Variants in VEPH1 observed in about 807,000 individuals in gnomAD.
VEPH1 encodes the protein ventricular zone expressed PH domain containing 1.
In VEPH1, 80 loss-of-function variants were observed where a neutral mutation model predicts 85.2. The ratio of observed to expected loss-of-function variants is 0.94; its 90% CI spans 0.78 to 1.13. The LOEUF is 1.13. Ranked by LOEUF, VEPH1 falls within the 50% of genes most tolerant of loss-of-function variation. VEPH1 has a pLI of 0.00. For synonymous variants in VEPH1, 297 were observed against 348.0 expected (o/e 0.85, Z 1.63); for missense variants, 955 against 980.5 (o/e 0.97, Z 0.35).
At chr3:157,301,377 T>C (rs1718783944) in intron 11 of VEPH1, among the ~76,000 whole-genome samples, 1 of 151,926 alleles carries the variant, frequency 6.6e-6, no homozygotes, top group South Asian at 2.1e-4. Flanking sequence ...TTTTGTTTTG[T>C]TTTTTCCTGG....
chr3:157,398,165 C>T (rs552435240), intron 6 of VEPH1, among the ~76,000 whole-genome samples: 13 of 152,236 alleles, frequency 8.5e-5, no homozygotes, highest in South Asian at 6.2e-4. Context: ...ACCCTGATCA[C>T]GTACATACCA....
intron 4 of VEPH1, among the ~76,000 whole-genome samples, chr3:157,441,809 CA>C (rs34525960): frequency 0.021 from 2,624 of 125,258 alleles, 35 homozygotes; most frequent in African/African-American, 0.047. Flanking sequence ...GACTCTGTCT[CA>C]AAAAAAAAAA....
intron 6 of VEPH1, among the ~76,000 whole-genome samples, chr3:157,399,425 C>T (rs1730654252): frequency 6.6e-6 from 1 of 152,138 alleles, no homozygotes; most frequent in African/African-American, 2.4e-5. Context: ...CCAAATTTAG[C>T]TCATTATTTT....
chr3:157,336,995 G>T (rs1007048466), intron 9 of VEPH1, among the ~76,000 whole-genome samples: 15 of 152,180 alleles, frequency 9.9e-5, no homozygotes, highest in Admixed American at 7.9e-4. Flanking sequence ...GAATAATATT[G>T]TAAGACATAA....
At chr3:157,438,230 G>A (rs1325283873) in intron 4 of VEPH1, among the ~76,000 whole-genome samples, 1 of 151,938 alleles carries the variant, frequency 6.6e-6, no homozygotes. Context: ...CCTTACACCC[G>A]ATCCGACTAA....
intron 5 of VEPH1, among the ~76,000 whole-genome samples, chr3:157,425,450 C>G (rs1577624517): frequency 6.6e-6 from 1 of 152,232 alleles, no homozygotes; most frequent in East Asian, 1.9e-4. Context: ...TGGAGCTGCC[C>G]AAGACCATGG....
At chr3:157,501,443 A>G (rs557915071) in intron 1 of VEPH1, among the ~76,000 whole-genome samples, 1 of 152,298 alleles carries the variant, frequency 6.6e-6, no homozygotes, top group East Asian at 1.9e-4. Flanking sequence ...TGAGTTTTCC[A>G]TGGAAGTGTA....
intron 2 of VEPH1, among the ~76,000 whole-genome samples, chr3:157,492,006 C>T (rs1002103011): frequency 2.0e-5 from 3 of 152,024 alleles, no homozygotes; most frequent in African/African-American, 4.8e-5. Flanking sequence ...AGAGTGTAGG[C>T]CATACCTGGG....
At chr3:157,409,684 C>T in intron 6 of VEPH1, 2 of 985,398 alleles carry the variant, frequency 2.0e-6, no homozygotes, top group Non-Finnish European at 2.4e-6. Context: ...AGTCTGCTCA[C>T]CCAGATGGGC....
At chr3:157,310,599 A>G (rs1443544607) in intron 11 of VEPH1, among the ~76,000 whole-genome samples, 1 of 152,204 alleles carries the variant, frequency 6.6e-6, no homozygotes, top group Non-Finnish European at 1.5e-5. Flanking sequence ...TTTCTAACAA[A>G]ACAACAGATG....
chr3:157,372,947 G>A (rs970010599), intron 7 of VEPH1, among the ~76,000 whole-genome samples: 1 of 152,146 alleles, frequency 6.6e-6, no homozygotes, highest in Non-Finnish European at 1.5e-5. Flanking sequence ...ATGGGCACTG[G>A]TCTAGTGGAT....
intron 9 of VEPH1, among the ~76,000 whole-genome samples, chr3:157,322,762 C>T (rs1721490377): frequency 6.6e-6 from 1 of 152,112 alleles, no homozygotes; most frequent in South Asian, 2.1e-4. Context: ...CAATTTCCTT[C>T]ATTTTCCATT....
At chr3:157,405,413 C>G (rs965899276) in intron 6 of VEPH1, among the ~76,000 whole-genome samples, 1 of 152,098 alleles carries the variant, frequency 6.6e-6, no homozygotes, top group African/African-American at 2.4e-5. Context: ...ATTTACTTAT[C>G]CGCACTATGA....
In VEPH1 at chr3:157,350,009, A is replaced by G. The variant is rs1724691980; in HGVS notation, c.1735+13355T>C. 2.0e-5 allele frequency among the ~76,000 whole-genome samples: 3 copies of G among 152,168 alleles called. No homozygotes were observed. In the South Asian group the frequency reaches 6.2e-4, roughly 32 times the overall value. On this transcript the variant is annotated intron_variant, in intron 9 of 13. Coordinates refer to ENST00000362010, the MANE Select transcript of VEPH1 (RefSeq NM_001167912.2). The stretch of plus-strand genomic sequence containing the variant: ...TGCCTATGACATTCTTCACATAAAT[A>G]GAAAAAAAATCCTAGACTTTGCATG...
intron 7 of VEPH1, among the ~76,000 whole-genome samples, chr3:157,373,435 C>T (rs1727733220): frequency 6.6e-6 from 1 of 152,168 alleles, no homozygotes; most frequent in African/African-American, 2.4e-5. Flanking sequence ...TGAATTTTGG[C>T]ACCCTCTTTT....
intron 9 of VEPH1, among the ~76,000 whole-genome samples, chr3:157,339,215 T>C (rs1201642053): frequency 6.6e-6 from 1 of 152,218 alleles, no homozygotes; most frequent in Non-Finnish European, 1.5e-5. Context: ...CCAAGGGCTG[T>C]TTCTGTCCCA....
intron 4 of VEPH1, among the ~76,000 whole-genome samples, chr3:157,459,213 G>A (rs986073698): frequency 1.3e-5 from 2 of 152,190 alleles, no homozygotes; most frequent in African/African-American, 4.8e-5. Flanking sequence ...GTCCATTCCT[G>A]GGACCTGCAT....
intron 2 of VEPH1, among the ~76,000 whole-genome samples, chr3:157,480,057 T>C (rs1304229560): frequency 6.9e-6 from 1 of 144,002 alleles, no homozygotes; most frequent in Non-Finnish European, 1.5e-5. Context: ...TTTCTTTCCT[T>C]TTTCTTTCTT....
chr3:157,494,669 T>C (rs1345069135), intron 2 of VEPH1, among the ~76,000 whole-genome samples: 1 of 152,032 alleles, frequency 6.6e-6, no homozygotes, highest in Admixed American at 6.6e-5. Flanking sequence ...AAGGGAAAGA[T>C]AAAAATAGAG....
Sources: allele counts gnomAD v4.1 joint callset (sites outside exome capture counted in the v4.1 genomes callset), GRCh38; gene constraint gnomAD v4.1.1; transcripts MANE v1.5; gene names NCBI Gene and HGNC (gene_info 2026-07-23, HGNC 2026-07-21).